DHX35: variants seen among roughly 807,000 people sequenced by gnomAD.
DHX35 encodes the protein probable ATP-dependent RNA helicase DHX35.
Under a neutral mutation model 99.6 loss-of-function variants are expected in DHX35, and 84 were observed. The ratio of observed to expected loss-of-function variants is 0.84; its 90% CI spans 0.71 to 1.01. DHX35 has a LOEUF of 1.01. Among genes scored for constraint, DHX35 ranks in the 50% least tolerant of loss-of-function variants. DHX35 has a pLI of 0.00. For missense variants in DHX35, 852 were observed against 888.5 expected (o/e 0.96, Z 0.52); for synonymous variants, 331 against 316.2 (o/e 1.05, Z -0.50).
intron 12 of DHX35, among the ~76,000 whole-genome samples, chr20:39,008,036 G>A (rs941883003): frequency 1.3e-5 from 2 of 152,156 alleles, no homozygotes; most frequent in Non-Finnish European, 2.9e-5. Flanking sequence ...TATGCTTTAA[G>A]CAGTTTCTCC....
chr20:39,013,971 C>T (rs1006764305), intron 13 of DHX35, among the ~76,000 whole-genome samples: 2 of 152,160 alleles, frequency 1.3e-5, no homozygotes, highest in African/African-American at 4.8e-5. Context: ...AAAAATGAGG[C>T]CTGAGTTCAG....
Position 39,014,915 on chromosome 20 carries a change from G to C in DHX35, c.1383G>C (p.Glu461Asp), listed in dbSNP as rs1196291658. The change falls in exon 14 of 22, where the codon GAG (glutamate) becomes GAC (aspartate). Residue 461 changes from glutamate (E) to aspartate (D), a missense_variant. Glu to Asp is a conservative substitution (Grantham distance 45). Transcript: ENST00000252011. ...CACAGTCGATGGTTCAAGCCTTGGA[G>C]TTACTGTATGCTCTGGGAGGTATGC... The part of the protein sequence containing the change: ...PPAQSMVQAL[E>D]LLYALGGLDK... The C allele has an allele frequency of 6.2e-7, 1 of 1,614,136 alleles. No individual in the cohort carries two copies. Among genetic ancestry groups the C allele is most frequent in the South Asian group, 1.1e-5 (1 of 91,082 alleles).
intron 11 of DHX35, 150 bp downstream of exon 11, chr20:39,004,057 A>G (rs2086570797): frequency 2.2e-6 from 2 of 909,250 alleles, no homozygotes; most frequent in East Asian, 2.6e-5. Flanking sequence ...TAAATAATAC[A>G]TTGTGAAGAT....
At chr20:39,018,436 A>C (rs569936343) in intron 14 of DHX35, among the ~76,000 whole-genome samples, 8 of 152,074 alleles carry the variant, frequency 5.3e-5, no homozygotes, top group Admixed American at 4.6e-4. Flanking sequence ...GGTGCTACCC[A>C]GTTGTTAGGT....
rs148306927 is a variant in DHX35, at chr20:38,968,827, C to T, written c.41-254C>T. Among the ~76,000 whole-genome samples the T allele has an allele frequency of 2.0e-3, 307 of 152,336 alleles. 1 individual carries two copies. The highest frequency in any genetic ancestry group is 6.8e-3 in the Middle Eastern group (2 of 294). On this transcript the variant is annotated intron_variant, in intron 1 of 21. Transcript: ENST00000252011. The stretch of plus-strand genomic sequence containing the variant: ...TCGGCCTCCCAAAGTGCTGGGATTA[C>T]AGGCGTGAGCCACTGCACCTAACCC...
At chr20:38,972,055 C>T (rs2086009368) in intron 2 of DHX35, among the ~76,000 whole-genome samples, 1 of 128,820 alleles carries the variant, frequency 7.8e-6, no homozygotes, top group South Asian at 2.5e-4. Flanking sequence ...GTTGCTCAGG[C>T]TGAAGTGCAG....
In DHX35 at chr20:39,003,732, T is replaced by C; in HGVS notation, c.853-17T>C. On this transcript the variant is annotated splice_polypyrimidine_tract_variant and intron_variant, in intron 10 of 21. Transcript: ENST00000252011. ...AATTGATCTCGGTTTCTTTGGTTCC[T>C]GGTTCAACGTCTTTAGGAAGAGGTA... 6 of 1,596,728 alleles carry C rather than the reference T, an allele frequency of 3.8e-6. No individual in the cohort carries two copies. Among genetic ancestry groups the C allele is most frequent in the Non-Finnish European group, 5.1e-6 (6 of 1,166,434 alleles).
chr20:39,032,508 TTCTCCAATTGGAAGA>T (rs2087072708), intron 20 of DHX35, among the ~76,000 whole-genome samples: 1 of 152,150 alleles, frequency 6.6e-6, no homozygotes, highest in African/African-American at 2.4e-5. Context: ...CAACTTGTCC[TTCTCCAATTGGAAGA>T]TGGAGAAGCC....
intron 11 of DHX35, among the ~76,000 whole-genome samples, chr20:39,004,353 C>T (rs2086577883): frequency 6.6e-6 from 1 of 152,236 alleles, no homozygotes; most frequent in African/African-American, 2.4e-5. Context: ...GCGTCAGCCA[C>T]CGTGCCCGGC....
In DHX35 at chr20:39,010,231, A is replaced by C. The variant is rs745829341; in HGVS notation, c.1223-49A>C. The C allele has an allele frequency of 2.1e-5, 34 of 1,613,642 alleles. No individual in the cohort carries two copies. In the East Asian group the frequency reaches 7.4e-4, roughly 35 times the overall value. On this transcript the variant is annotated intron_variant, in intron 12 of 21. Coordinates refer to ENST00000252011, the MANE Select transcript of DHX35 (RefSeq NM_021931.4). ...ATTTGTCCCTTGGCATAGTGATTGC[A>C]TTTGATTGTGACATTTGGTCCCAAA...
intron 1 of DHX35, among the ~76,000 whole-genome samples, chr20:38,968,098 T>C (rs539272204): frequency 6.6e-6 from 1 of 152,342 alleles, no homozygotes; most frequent in African/African-American, 2.4e-5. Context: ...GCATCTGTAT[T>C]GTTCACTGCA....
intron 8 of DHX35, among the ~76,000 whole-genome samples, chr20:38,996,911 C>T (rs1409023343): frequency 2.6e-5 from 4 of 152,072 alleles, no homozygotes; most frequent in African/African-American, 4.8e-5. Flanking sequence ...TAGTTAGCTC[C>T]TCTGTGGCTA....
intron 8 of DHX35, among the ~76,000 whole-genome samples, chr20:38,996,910 C>T (rs959118659): frequency 6.6e-6 from 1 of 152,018 alleles, no homozygotes; most frequent in Non-Finnish European, 1.5e-5. Flanking sequence ...CTAGTTAGCT[C>T]CTCTGTGGCT....
chr20:39,015,889 G>A (rs1357966492), intron 14 of DHX35, among the ~76,000 whole-genome samples: 1 of 152,012 alleles, frequency 6.6e-6, no homozygotes, highest in Admixed American at 6.6e-5. Flanking sequence ...CCACTCTCTG[G>A]TTCAGTCTCT....
intron 21 of DHX35, among the ~76,000 whole-genome samples, 155 bp downstream of exon 21, chr20:39,034,472 GA>G (rs1468431563): frequency 6.6e-6 from 1 of 152,132 alleles, no homozygotes; most frequent in Non-Finnish European, 1.5e-5. Flanking sequence ...AACATTCTGG[GA>G]AAGCACTCTA....
rs190006637 is a variant in DHX35 at position 39,025,435 on chromosome 20, G to T, written c.1801+76G>T. On this transcript the variant is annotated intron_variant, in intron 18 of 21. Transcript: ENST00000252011. The stretch of plus-strand genomic sequence containing the variant: ...GTTGTCTTCCTAAAGTTCTCATGCT[G>T]GGCTGGTGCGAGGCAGTGTGGCGTG... The T allele has an allele frequency of 7.4e-4, 1,151 of 1,559,730 alleles. 3 individuals are homozygous for T. In the Middle Eastern group the frequency reaches 8.1e-3, roughly 11 times the overall value.
At chr20:38,977,099 A>G (rs1423075084) in intron 3 of DHX35, among the ~76,000 whole-genome samples, 2 of 152,168 alleles carry the variant, frequency 1.3e-5, no homozygotes, top group Non-Finnish European at 2.9e-5. Context: ...CTTTCCTGGG[A>G]ATAAATACCC....
intron 3 of DHX35, chr20:38,977,915 C>A (rs1361898168): frequency 3.4e-6 from 2 of 588,592 alleles, no homozygotes; most frequent in Non-Finnish European, 6.4e-6. Flanking sequence ...TCAGTTTCCT[C>A]ATCATCAAAA....
chr20:38,993,944 G>A (rs530788575), intron 7 of DHX35, among the ~76,000 whole-genome samples: 1 of 152,160 alleles, frequency 6.6e-6, no homozygotes, highest in Non-Finnish European at 1.5e-5. Flanking sequence ...TTCCCTCTGG[G>A]AGGATGTCTA....
Sources: gnomAD v4.1 joint callset for allele counts (sites outside exome capture counted in the v4.1 genomes callset) on GRCh38, gnomAD v4.1.1 for gene constraint, MANE v1.5 for transcripts, NCBI Gene and HGNC (gene_info 2026-07-23, HGNC 2026-07-21) for gene names.